Variants in TMEM117 observed in about 807,000 individuals in gnomAD.
TMEM117 encodes the protein transmembrane protein 117.
Under a neutral mutation model 52.4 loss-of-function variants are expected in TMEM117, and 27 were observed. That is an observed-to-expected ratio of 0.51 (90% CI 0.38 to 0.71). TMEM117 has a LOEUF of 0.71. TMEM117 is among the 30% of genes least tolerant of loss of function. The pLI, the probability that TMEM117 is intolerant of heterozygous loss-of-function variation, is 0.00. For synonymous variants in TMEM117, 215 were observed against 206.3 expected (o/e 1.04, Z -0.36); for missense variants, 556 against 630.5 (o/e 0.88, Z 1.26).
intron 5 of TMEM117, among the ~76,000 whole-genome samples, chr12:44,231,530 C>T (rs961005008): frequency 6.6e-6 from 1 of 151,714 alleles, no homozygotes; most frequent in African/African-American, 2.4e-5. Context: ...TACATATTTT[C>T]ACCTTCACTA....
chr12:44,096,004 G>T (rs909802504), intron 3 of TMEM117, among the ~76,000 whole-genome samples: 33 of 152,244 alleles, frequency 2.2e-4, no homozygotes, highest in South Asian at 1.7e-3. Context: ...AAGCTGATAA[G>T]CAACTTCAGC....
At chr12:44,093,289 GA>G (rs1252816759) in intron 3 of TMEM117, among the ~76,000 whole-genome samples, 1 of 151,988 alleles carries the variant, frequency 6.6e-6, no homozygotes, top group Non-Finnish European at 1.5e-5. Context: ...TAAAGCTAAA[GA>G]CTTTGTCTCT....
intron 5 of TMEM117, chr12:44,264,083 A>G (rs978278613): frequency 6.6e-6 from 1 of 152,226 alleles, no homozygotes; most frequent in Non-Finnish European, 1.5e-5. Flanking sequence ...ACAAATAGCA[A>G]TGACTGTCTA....
intron 3 of TMEM117, among the ~76,000 whole-genome samples, chr12:44,076,888 C>G (rs1012547099): frequency 1.4e-4 from 22 of 152,084 alleles, no homozygotes; most frequent in African/African-American, 5.1e-4. Flanking sequence ...AGTAGACAGG[C>G]CTTAAACTAT....
chr12:44,216,421 C>T (rs571239143), intron 5 of TMEM117, among the ~76,000 whole-genome samples: 1 of 152,170 alleles, frequency 6.6e-6, no homozygotes, highest in South Asian at 2.1e-4. Flanking sequence ...ACACTGCAGA[C>T]TTGTAGTTTG....
intron 3 of TMEM117, among the ~76,000 whole-genome samples, chr12:44,068,426 GT>G (rs1592489296): frequency 2.0e-5 from 3 of 152,268 alleles, no homozygotes; most frequent in African/African-American, 7.2e-5. Flanking sequence ...AGTAAGAGAT[GT>G]GAAACTCTTC....
chr12:43,876,437 A>G (rs563537090), intron 2 of TMEM117, among the ~76,000 whole-genome samples: 3 of 152,040 alleles, frequency 2.0e-5, no homozygotes, highest in African/African-American at 4.8e-5. Context: ...TTTCTAGGAA[A>G]CTCAGCTCAT....
At chr12:43,872,577 T>G (rs1943725062) in intron 2 of TMEM117, among the ~76,000 whole-genome samples, 1 of 152,230 alleles carries the variant, frequency 6.6e-6, no homozygotes, top group African/African-American at 2.4e-5. Flanking sequence ...AGAATTAGCT[T>G]ATTCAAGAAT....
the TMEM117 span, chr12:43,805,940 G>A: frequency 1.3e-6 from 2 of 1,530,040 alleles, no homozygotes; most frequent in Admixed American, 1.7e-5. Flanking sequence ...TGGAAGGCAC[G>A]CCCCCTTCAA....
chr12:43,998,058 G>C, intron 3 of TMEM117, among the ~76,000 whole-genome samples: 1 of 152,140 alleles, frequency 6.6e-6, no homozygotes, highest in East Asian at 1.9e-4. Flanking sequence ...GTGTCTGGCT[G>C]CTAGGCTATA....
chr12:44,137,531 C>T (rs1017681068), intron 3 of TMEM117, among the ~76,000 whole-genome samples: 1 of 152,110 alleles, frequency 6.6e-6, no homozygotes, highest in Non-Finnish European at 1.5e-5. Flanking sequence ...TTTCACGCTG[C>T]TGATAAAGAC....
At chr12:44,126,269 C>T (rs1948323234) in intron 3 of TMEM117, among the ~76,000 whole-genome samples, 1 of 152,106 alleles carries the variant, frequency 6.6e-6, no homozygotes. Flanking sequence ...TAGATTTTTG[C>T]AGTTTCTCTA....
At chr12:44,350,471 C>G (rs1324866024) in intron 6 of TMEM117, among the ~76,000 whole-genome samples, 1 of 151,924 alleles carries the variant, frequency 6.6e-6, no homozygotes, top group East Asian at 1.9e-4. Context: ...GTTTTGCTGT[C>G]AAACTAGTTC....
Position 44,388,694 on chromosome 12 carries a change from T to A in TMEM117, c.*22T>A. 3 of 1,601,088 alleles carry A rather than the reference T, an allele frequency of 1.9e-6. No individual in the cohort carries two copies. In the East Asian group the frequency reaches 6.7e-5, roughly 36 times the overall value. On this transcript the variant is annotated 3_prime_UTR_variant, in exon 8 of 8. Transcript: ENST00000266534. ...CTAGACTCGGAGATAGACTTGGAGA[T>A]AACACAAAAAGCAACCTTGAGTGTA...
chr12:44,321,393 A>G (rs1261516757), intron 6 of TMEM117, among the ~76,000 whole-genome samples: 2 of 152,146 alleles, frequency 1.3e-5, no homozygotes, highest in Non-Finnish European at 2.9e-5. Context: ...AGAGTAGCAA[A>G]ATCAGGGGGT....
At chr12:43,837,463 C>T (rs940150003) in intron 1 of TMEM117, among the ~76,000 whole-genome samples, 1 of 152,078 alleles carries the variant, frequency 6.6e-6, no homozygotes, top group Admixed American at 6.6e-5. Flanking sequence ...TCTCCTGCCT[C>T]GGCCTCCTGA....
chr12:43,883,766 A>AC (rs200610860), intron 2 of TMEM117, among the ~76,000 whole-genome samples: 4 of 151,494 alleles, frequency 2.6e-5, no homozygotes, highest in Non-Finnish European at 4.4e-5. Context: ...AAAGACAAAA[A>AC]AAAAAACAAA....
At chr12:44,310,013 G>A (rs1683804775) in intron 6 of TMEM117, among the ~76,000 whole-genome samples, 1 of 152,124 alleles carries the variant, frequency 6.6e-6, no homozygotes, top group African/African-American at 2.4e-5. Context: ...TTGTTTCTAG[G>A]AATCCACTTT....
chr12:43,973,172 G>GT (rs572943808), intron 3 of TMEM117, among the ~76,000 whole-genome samples: 118 of 152,210 alleles, frequency 7.8e-4, no homozygotes, highest in South Asian at 1.7e-3. Context: ...CTGAAAACAG[G>GT]TTTTTTCCCA....
Sources: gnomAD v4.1 joint callset for allele counts (sites outside exome capture counted in the v4.1 genomes callset) on GRCh38, gnomAD v4.1.1 for gene constraint, MANE v1.5 for transcripts, NCBI Gene and HGNC (gene_info 2026-07-23, HGNC 2026-07-21) for gene names.